Variants in RAB3C observed in about 807,000 individuals in gnomAD.
The protein encoded by RAB3C is RAB3C, member RAS oncogene family.
Under a neutral mutation model 26.4 loss-of-function variants are expected in RAB3C, and 17 were observed. The observed-to-expected ratio is 0.64, with a 90% CI of 0.44 to 0.97. The LOEUF is 0.97. Ranked by LOEUF, RAB3C falls within the 50% of genes least tolerant of loss-of-function variation. RAB3C has a pLI of 0.00. For missense variants in RAB3C, 242 were observed against 281.9 expected, an observed-to-expected ratio of 0.86 and a Z score of 1.01; for synonymous variants, 91 against 95.9, an observed-to-expected ratio of 0.95 and a Z score of 0.30.
chr5:58,636,248 G>A (rs1409314695), intron 2 of RAB3C, among the ~76,000 whole-genome samples: 1 of 152,148 alleles, frequency 6.6e-6, no homozygotes, highest in Non-Finnish European at 1.5e-5. Flanking sequence ...CCTAGAAACT[G>A]GTTTCCCTGT....
intron 2 of RAB3C, among the ~76,000 whole-genome samples, chr5:58,680,811 C>G (rs1748328899): frequency 6.6e-6 from 1 of 152,134 alleles, no homozygotes; most frequent in Admixed American, 6.5e-5. Context: ...CCAAGATACT[C>G]TCCTCATCTC....
chr5:58,723,811 G>A (rs901696833), intron 2 of RAB3C, among the ~76,000 whole-genome samples: 5 of 151,822 alleles, frequency 3.3e-5, no homozygotes, highest in African/African-American at 7.3e-5. Flanking sequence ...TCTGGGATAA[G>A]AGAGTCCAGA....
intron 2 of RAB3C, among the ~76,000 whole-genome samples, chr5:58,694,941 C>T (rs1024069061): frequency 6.6e-6 from 1 of 152,112 alleles, no homozygotes; most frequent in Non-Finnish European, 1.5e-5. Flanking sequence ...TTAATTAGAT[C>T]CCATTTGTCT....
intron 2 of RAB3C, among the ~76,000 whole-genome samples, chr5:58,651,085 G>A (rs1355256176): frequency 6.6e-6 from 1 of 152,120 alleles, no homozygotes; most frequent in Non-Finnish European, 1.5e-5. Flanking sequence ...TTGAACTTGG[G>A]CAAATTAGAC....
chr5:58,632,034 A>G (rs1747192975), intron 2 of RAB3C, among the ~76,000 whole-genome samples: 1 of 152,226 alleles, frequency 6.6e-6, no homozygotes. Context: ...AGACTGGTGA[A>G]AATCCAGATC....
intron 3 of RAB3C, among the ~76,000 whole-genome samples, chr5:58,754,468 GT>G (rs958707685): frequency 2.0e-5 from 3 of 152,066 alleles, no homozygotes; most frequent in Non-Finnish European, 2.9e-5. Flanking sequence ...CAAGGTCAGC[GT>G]CATACTCAGC....
At chr5:58,656,110 T>A (rs2111796732) in intron 2 of RAB3C, among the ~76,000 whole-genome samples, 1 of 152,184 alleles carries the variant, frequency 6.6e-6, no homozygotes, top group South Asian at 2.1e-4. Context: ...ACATGGTTGA[T>A]AAGAGGCACA....
At chr5:58,796,135 G>A (rs951134779) in intron 3 of RAB3C, among the ~76,000 whole-genome samples, 5 of 152,152 alleles carry the variant, frequency 3.3e-5, no homozygotes, top group Non-Finnish European at 7.4e-5. Context: ...AAATCTAACA[G>A]GGTCTGGGGT....
chr5:58,725,854 T>C, intron 2 of RAB3C, 148 bp from the exon 3 acceptor site: 1 of 471,068 alleles, frequency 2.1e-6, no homozygotes, highest in Non-Finnish European at 3.9e-6. Flanking sequence ...TAAAAATCAT[T>C]AGGGGAAACA....
intron 2 of RAB3C, among the ~76,000 whole-genome samples, chr5:58,695,228 G>A (rs1197531604): frequency 1.3e-5 from 2 of 152,158 alleles, no homozygotes; most frequent in Non-Finnish European, 2.9e-5. Flanking sequence ...AAGATCAGAT[G>A]GTTGTAGATG....
chr5:58,796,055 T>C (rs1249349057), intron 3 of RAB3C, among the ~76,000 whole-genome samples: 2 of 152,198 alleles, frequency 1.3e-5, no homozygotes, highest in African/African-American at 2.4e-5. Context: ...TTCACTGATA[T>C]CATAGCTTTT....
chr5:58,773,395 C>A (rs1742064933), intron 3 of RAB3C, among the ~76,000 whole-genome samples: 1 of 152,064 alleles, frequency 6.6e-6, no homozygotes, highest in Non-Finnish European at 1.5e-5. Context: ...TCAAGTCACT[C>A]CCCATCATAG....
chr5:58,660,517 A>G (rs1017181523), intron 2 of RAB3C, among the ~76,000 whole-genome samples: 5 of 150,204 alleles, frequency 3.3e-5, no homozygotes, highest in African/African-American at 1.3e-4. Context: ...TCCATACCAT[A>G]TTGTATTTTT....
chr5:58,691,365 G>C (rs546056500), intron 2 of RAB3C, among the ~76,000 whole-genome samples: 1 of 152,290 alleles, frequency 6.6e-6, no homozygotes, highest in East Asian at 1.9e-4. Context: ...GAGACGTATA[G>C]ATGGGGTGTC....
intron 2 of RAB3C, chr5:58,647,631 C>T (rs1031028481): frequency 2.0e-5 from 3 of 152,206 alleles, no homozygotes; most frequent in Non-Finnish European, 4.4e-5. Flanking sequence ...ACTTTGAGAT[C>T]TATACTTTGG....
intron 3 of RAB3C, among the ~76,000 whole-genome samples, chr5:58,745,554 T>A (rs1406459858): frequency 6.6e-6 from 1 of 152,170 alleles, no homozygotes; most frequent in Non-Finnish European, 1.5e-5. Context: ...CTTTCCTTAC[T>A]GCCGGTCTCT....
intron 1 of RAB3C, among the ~76,000 whole-genome samples, chr5:58,593,419 T>C (rs1746180112): frequency 6.6e-6 from 1 of 152,206 alleles, no homozygotes; most frequent in South Asian, 2.1e-4. Context: ...GATAGAGAAA[T>C]GTAAATAATA....
chr5:58,697,344 T>G (rs1409991018), intron 2 of RAB3C, among the ~76,000 whole-genome samples: 1 of 152,204 alleles, frequency 6.6e-6, no homozygotes, highest in Non-Finnish European at 1.5e-5. Context: ...TACTTCCAAT[T>G]ATGTGGTCAA....
At chr5:58,589,520 G>T (rs1345189309) in intron 1 of RAB3C, among the ~76,000 whole-genome samples, 1 of 152,150 alleles carries the variant, frequency 6.6e-6, no homozygotes, top group Non-Finnish European at 1.5e-5. Context: ...AGTTCACCAT[G>T]AAGCCAGCGG....
Sources: gnomAD v4.1 joint callset for allele counts (sites outside exome capture counted in the v4.1 genomes callset) on GRCh38, gnomAD v4.1.1 for gene constraint, MANE v1.5 for transcripts, NCBI Gene and HGNC (gene_info 2026-07-23, HGNC 2026-07-21) for gene names.